Variants in MFSD12 observed in about 807,000 individuals in gnomAD.
The protein encoded by MFSD12 is major facilitator superfamily domain containing 12, also known as major facilitator superfamily domain-containing protein 12.
Under a neutral mutation model 51.2 loss-of-function variants are expected in MFSD12, and 67 were observed. The ratio of observed to expected loss-of-function variants is 1.31; its 90% CI spans 1.08 to 1.60. The LOEUF (loss-of-function observed/expected upper bound fraction) is 1.60, where lower values mean the gene tolerates loss of function less well. Ranked by LOEUF, MFSD12 falls within the 40% of genes most tolerant of loss-of-function variation. MFSD12 has a pLI of 0.00. For synonymous variants in MFSD12, 441 were observed against 316.7 expected, an observed-to-expected ratio of 1.39 and a Z score of -4.17; for missense variants, 921 against 673.0, an observed-to-expected ratio of 1.37 and a Z score of -4.08.
rs902966305 is a variant in MFSD12 at position 3,551,311 on chromosome 19, A to G, written c.299-117T>C. ...AGGCACAGATGGAGACGCCCCCCGC[A>G]TGCACACAGTCACGCAGGAGCGAGG... On this transcript the variant is annotated intron_variant, in intron 1 of 9. Transcript: ENST00000355415. This position sits in a 1 kb window ranked among gnomAD's most constrained non-coding sequence, Gnocchi z 4.6. 1 of 785,318 alleles carries G rather than the reference A, an allele frequency of 1.3e-6. No homozygotes were observed. Among genetic ancestry groups the G allele is most frequent in the Non-Finnish European group, 2.0e-6 (1 of 501,890 alleles). The allele number at this position is 785,318 out of a possible 1,614,324, so 48.6% of individuals were successfully genotyped here.
At chr19:3,556,965 C>T (rs1333301612) in intron 1 of MFSD12, 141 bp downstream of exon 1, 1 of 825,896 alleles carries the variant, frequency 1.2e-6, no homozygotes, top group Non-Finnish European at 1.8e-6. Flanking sequence ...CAGGGAAGCT[C>T]GGGCCACGGG....
intron 1 of MFSD12, among the ~76,000 whole-genome samples, chr19:3,554,455 A>G (rs562855890): frequency 1.4e-5 from 2 of 139,936 alleles, no homozygotes; most frequent in Non-Finnish European, 3.2e-5. Context: ...CAAAACAAAA[A>G]AAAAAAAAAA....
chr19:3,555,259 CCACCACGCT>C (rs1488596363), intron 1 of MFSD12, among the ~76,000 whole-genome samples: 1 of 152,146 alleles, frequency 6.6e-6, no homozygotes, highest in African/African-American at 2.4e-5. Context: ...CAGGCGTGCG[CCACCACGCT>C]CGGCTAATTT....
chr19:3,544,798 C>T lies in MFSD12; in HGVS notation c.1420+11G>A. The T allele has an allele frequency of 6.2e-7, 1 of 1,610,882 alleles. No homozygotes were observed. Among genetic ancestry groups the T allele is most frequent in the Middle Eastern group, 1.7e-4 (1 of 6,012 alleles). On this transcript the variant is annotated intron_variant, in intron 9 of 9. Transcript: ENST00000355415. The stretch of plus-strand genomic sequence containing the variant: ...CAGTGTCTGGGGAGGGAGGGGTGGG[C>T]CAGGACTCACAGCGTCGCAGGCGGG...
At chr19:3,541,673 C>T (rs575849668), downstream of MFSD12, 30 of 985,128 alleles carry the variant, frequency 3.0e-5, no homozygotes, top group Admixed American at 6.2e-4. Context: ...AATGGGCTCC[C>T]GCAAGTGTGT....
chr19:3,539,042 TTCCC>T, intron 4 of MFSD12: 1 of 649,404 alleles, frequency 1.5e-6, no homozygotes, highest in Non-Finnish European at 2.8e-6. Flanking sequence ...TCTCCAGCCC[TTCCC>T]TCGAGGCCAC....
intron 8 of MFSD12, among the ~76,000 whole-genome samples, chr19:3,545,709 C>T (rs531130952): frequency 1.3e-5 from 2 of 152,376 alleles, no homozygotes; most frequent in Admixed American, 6.5e-5. Context: ...CTGTGGTTTC[C>T]AGGCCCTGGG....
intron 4 of MFSD12, 104 bp downstream of exon 4, chr19:3,547,743 CA>C: frequency 7.3e-7 from 1 of 1,368,462 alleles, no homozygotes; most frequent in African/African-American, 1.5e-5. Context: ...TGGGCTGCAC[CA>C]GGGGCCACGT....
Position 3,544,361 on chromosome 19 carries a change from G to T in MFSD12, c.*349C>A, listed in dbSNP as rs554867390. The T allele has an allele frequency of 1.6e-6, 2 of 1,277,160 alleles. No homozygotes were observed. Among genetic ancestry groups the T allele is most frequent in the Non-Finnish European group, 9.9e-7 (1 of 1,011,586 alleles). 79.1% of individuals were successfully genotyped at this position (1,277,160 alleles called of 1,614,324 possible). On this transcript the variant is annotated 3_prime_UTR_variant, in exon 10 of 10. Transcript: ENST00000355415. ...CCTGGCAGTGTCTGGAGACCCCCAG[G>T]CTGGAGGTGAGGGGTGAACTGGACT...
At chr19:3,539,477 T>C (rs1330041797), downstream of MFSD12, 15 of 549,970 alleles carry the variant, frequency 2.7e-5, no homozygotes, top group African/African-American at 1.9e-4. Context: ...CAAGAACAAA[T>C]GTGTCTGCGG....
chr19:3,544,586 T>C lies in MFSD12; in HGVS notation c.*124A>G. 1 of 1,465,600 alleles carries C rather than the reference T, an allele frequency of 6.8e-7. No homozygotes were observed. The highest frequency in any genetic ancestry group is 9.0e-7 in the Non-Finnish European group (1 of 1,111,954). 90.8% of individuals were successfully genotyped at this position (1,465,600 alleles called of 1,614,324 possible). A position where few individuals can be genotyped will look rare whatever the true frequency, so the allele number is the denominator to read the frequency against. On this transcript the variant is annotated 3_prime_UTR_variant, in exon 10 of 10. Coordinates refer to ENST00000355415, the MANE Select transcript of MFSD12 (RefSeq NM_174983.5). The stretch of plus-strand genomic sequence containing the variant: ...CCCGACCCCACCCCCGGGAGCTGGG[T>C]GAGGATGGAGGGTGGGGGTCCAGAG...
intron 2 of MFSD12, 111 bp from the exon 3 acceptor site, chr19:3,548,378 T>G (rs1212909513): frequency 2.9e-6 from 4 of 1,393,288 alleles, no homozygotes; most frequent in Non-Finnish European, 3.9e-6. Context: ...TGACAGGTGA[T>G]TCCAACCACT....
chr19:3,552,506 G>A (rs1204378089), intron 1 of MFSD12, among the ~76,000 whole-genome samples: 2 of 113,910 alleles, frequency 1.8e-5, no homozygotes, highest in African/African-American at 3.5e-5. Flanking sequence ...ACAGAGTCTC[G>A]CTCTGTTGCC....
chr19:3,543,485 C>T (rs1351269553), downstream of MFSD12: 12 of 1,516,496 alleles, frequency 7.9e-6, no homozygotes, highest in Non-Finnish European at 1.1e-5. Context: ...TGAGTGCCCC[C>T]CCCCCCGCCC....
chr19:3,554,250 A>AAT (rs897385348), intron 1 of MFSD12, among the ~76,000 whole-genome samples: 4 of 151,512 alleles, frequency 2.6e-5, no homozygotes, highest in African/African-American at 4.9e-5. Flanking sequence ...CAGCCTGGAC[A>AAT]ATATGGTGAA....
intron 1 of MFSD12, among the ~76,000 whole-genome samples, chr19:3,554,651 C>T (rs2031646530): frequency 6.6e-6 from 1 of 152,176 alleles, no homozygotes; most frequent in African/African-American, 2.4e-5. Flanking sequence ...ACCCATCCGT[C>T]AAAACCTCAA....
downstream of MFSD12, chr19:3,542,771 C>T: frequency 7.3e-7 from 1 of 1,362,406 alleles, no homozygotes; most frequent in South Asian, 1.1e-5. Context: ...GCGTGAGCCA[C>T]ACACCTGGCC....
rs375315038 is a variant in MFSD12, at chr19:3,548,060, G to A, written c.655-30C>T. 7.0e-4 allele frequency: 1,122 copies of A among 1,599,196 alleles called. 10 individuals are homozygous for A. In the African/African-American group the frequency reaches 0.014, roughly 19 times the overall value. On this transcript the variant is annotated intron_variant, in intron 3 of 9. Coordinates refer to ENST00000355415, the MANE Select transcript of MFSD12 (RefSeq NM_174983.5). ...GGATGCAGCAGAAGCAGTCAGTGGT[G>A]GCGGGCCCAGCCCCCGCCCCTGGCT...
At chr19:3,545,212 G>C (rs1485941236) in intron 8 of MFSD12, among the ~76,000 whole-genome samples, 1 of 152,134 alleles carries the variant, frequency 6.6e-6, no homozygotes, top group South Asian at 2.1e-4. Context: ...ACCCGCCCCG[G>C]TCCCAGGCTG....
Sources: gnomAD v4.1 joint callset for allele counts (sites outside exome capture counted in the v4.1 genomes callset) on GRCh38, gnomAD v4.1.1 for gene constraint, Gnocchi (gnomAD v3.1) non-coding constraint, MANE v1.5 for transcripts, NCBI Gene and HGNC (gene_info 2026-07-23, HGNC 2026-07-21) for gene names.